The following MDN1 variants were observed in gnomAD, a reference collection of about 807,000 sequenced individuals.
MDN1 encodes the protein midasin AAA ATPase 1.
MDN1 carries 266 observed loss-of-function variants against 669.2 expected under a neutral mutation model. That is an observed-to-expected ratio of 0.40 (90% CI 0.36 to 0.44). The LOEUF (loss-of-function observed/expected upper bound fraction) is 0.44. MDN1 is among the 20% of genes least tolerant of loss of function. MDN1 has a pLI of 1.00. For synonymous variants in MDN1, 2,385 were observed against 2,457.1 expected, an observed-to-expected ratio of 0.97 and a Z score of 0.87; for missense variants, 5,940 against 6,754.0, an observed-to-expected ratio of 0.88 and a Z score of 4.22.
chr6:89,773,970 GAAA>G (rs1302813116), intron 13 of MDN1, among the ~76,000 whole-genome samples: 1 of 96,816 alleles, frequency 1.0e-5, no homozygotes, highest in Non-Finnish European at 2.2e-5. Context: ...GTCTTAAAAA[GAAA>G]AAAAAAAAAA....
chr6:89,767,649 G>A (rs1295711987), intron 15 of MDN1, among the ~76,000 whole-genome samples: 1 of 151,858 alleles, frequency 6.6e-6, no homozygotes, highest in Non-Finnish European at 1.5e-5. Flanking sequence ...CCAGCTACTC[G>A]GGAGGCTGAG....
At chr6:89,673,163 C>T in intron 80 of MDN1, 73 bp downstream of exon 80, 4 of 1,303,050 alleles carry the variant, frequency 3.1e-6, no homozygotes, top group Middle Eastern at 1.9e-4. Flanking sequence ...GTCTTTTGGA[C>T]AATGAGACTT....
At chr6:89,748,895 A>AC (rs1562176633) in intron 26 of MDN1, among the ~76,000 whole-genome samples, 1 of 102,992 alleles carries the variant, frequency 9.7e-6, no homozygotes, top group Non-Finnish European at 1.9e-5. Flanking sequence ...CCTTGTCTCT[A>AC]CAAAAAAAAA....
At position 89,743,131 on chromosome 6, in the gene MDN1, A is replaced by G. The variant is rs374536723; in HGVS notation, c.4448+19T>C. The G allele has an allele frequency of 7.5e-6, 12 of 1,608,220 alleles. No individual in the cohort carries two copies. The highest frequency in any genetic ancestry group is 1.0e-5 in the Non-Finnish European group (12 of 1,178,422). On this transcript the variant is annotated intron_variant, in intron 31 of 101. Transcript: ENST00000369393. ...CCAACAAAAATATCAAACACAAGGC[A>G]AACCTCTCAGGCACGTACCTGTTGA...
Position 89,761,727 on chromosome 6 carries a change from C to T in MDN1, c.2378G>A (p.Trp793Ter), listed in dbSNP as rs776463708. The change falls in exon 17 of 102, where the codon TGG becomes TAG. Residue 793 changes from tryptophan (W) to a stop codon, truncating the protein, a stop_gained. Coordinates refer to ENST00000369393, the MANE Select transcript of MDN1 (RefSeq NM_014611.3). LOFTEE classifies it high-confidence loss of function. ...GTTGAGTCTAAGACCAAATGCTTCC[C>T]ATTTCTCTTTTATGAGTAACCCTAA... ...SETGLLIKEKWEAFGLRLNHA... is the reference protein window; with the variant it reads ...SETGLLIKEK 1.9e-6 allele frequency: 3 copies of T among 1,609,346 alleles called. No individual in the cohort carries two copies. The highest frequency in any genetic ancestry group is 2.5e-6 in the Non-Finnish European group (3 of 1,177,312).
intron 15 of MDN1, among the ~76,000 whole-genome samples, chr6:89,768,484 T>C (rs1450372331): frequency 3.3e-5 from 5 of 152,192 alleles, no homozygotes; most frequent in Non-Finnish European, 7.3e-5. Context: ...CCTCTTTTCT[T>C]TGTAAATTAT....
intron 65 of MDN1, 111 bp downstream of exon 65, chr6:89,689,759 G>T: frequency 7.8e-7 from 1 of 1,284,032 alleles, no homozygotes; most frequent in Non-Finnish European, 1.1e-6. Flanking sequence ...CTCCAATAAG[G>T]AATTATGCGA....
intron 50 of MDN1, among the ~76,000 whole-genome samples, chr6:89,709,293 CA>C (rs1217315889): frequency 6.6e-6 from 1 of 152,120 alleles, no homozygotes; most frequent in African/African-American, 2.4e-5. Context: ...AAGCATCCAC[CA>C]TATAGTAGAC....
intron 2 of MDN1, among the ~76,000 whole-genome samples, chr6:89,800,225 C>T (rs751843370): frequency 1.1e-4 from 16 of 152,002 alleles, no homozygotes; most frequent in Non-Finnish European, 2.1e-4. Flanking sequence ...ATCGGGAGTT[C>T]GAGACCAGCC....
At chr6:89,712,871 C>A (rs193209675) in intron 47 of MDN1, 85 bp from the exon 48 acceptor site, 36 of 1,236,366 alleles carry the variant, frequency 2.9e-5, no homozygotes, top group Non-Finnish European at 4.0e-5. Flanking sequence ...ATAGTCCATG[C>A]GACCACCTCA....
rs1812907973 is a variant in MDN1, at chr6:89,698,314, T to C, written c.9168+551A>G. Reference sequence around the variant, plus strand: ...AAGTGGACAAAGATGTATACTAGGATAGTCAATGTGGCATGCTTATTATAG... The same window carrying C: ...AAGTGGACAAAGATGTATACTAGGACAGTCAATGTGGCATGCTTATTATAG... On this transcript the variant is annotated intron_variant, in intron 59 of 101. Coordinates refer to ENST00000369393, the MANE Select transcript of MDN1 (RefSeq NM_014611.3). Among the ~76,000 whole-genome samples the C allele has an allele frequency of 2.6e-5, 4 of 152,222 alleles. No homozygotes were observed. The South Asian group carries it at 8.3e-4, about 31-fold the overall frequency.
chr6:89,683,229 G>A lies in MDN1; in HGVS notation c.12005C>T (p.Pro4002Leu), dbSNP rs1220407896. ...ACTTGCAGCTCCATCTGTTGGCCTG[G>A]GCAAAAAGTCAGGCTGTTCTTCCTT... ...SDKEEQPDFL[P>L]RPTDGAASEL... is the part of the protein sequence containing the mutation. The change falls in exon 73 of 102, where the codon CCC becomes CTC. Residue 4002 changes from proline (P) to leucine (L), a missense_variant. Pro to Leu is a moderately conservative substitution (Grantham distance 98). Around this residue, in one of 5 missense-constraint regions of MDN1, gnomAD observed 2,280 missense variants for 2,576.3 expected, o/e 0.88. Transcript: ENST00000369393. 5.0e-6 allele frequency: 8 copies of A among 1,614,090 alleles called. No homozygotes were observed. The highest frequency in any genetic ancestry group is 5.9e-6 in the Non-Finnish European group (7 of 1,180,022).
At chr6:89,700,501 C>T (rs1813079675) in intron 56 of MDN1, 145 bp downstream of exon 56, 2 of 786,674 alleles carry the variant, frequency 2.5e-6, no homozygotes, top group South Asian at 1.8e-5. Context: ...AAATTTAGTC[C>T]TATGCCTGAC....
chr6:89,758,174 T>C, intron 19 of MDN1, 81 bp downstream of exon 19: 1 of 1,123,196 alleles, frequency 8.9e-7, no homozygotes, highest in Non-Finnish European at 1.3e-6. Flanking sequence ...TGAGCCAAGA[T>C]CACGCCACTG....
intron 95 of MDN1, among the ~76,000 whole-genome samples, chr6:89,651,904 G>A (rs761728): frequency 0.84 from 127,974 of 152,190 alleles, 54,005 homozygotes; most frequent in East Asian, 1. Flanking sequence ...ACTCTTGCCC[G>A]GTTTTTCAAC....
At chr6:89,675,902 T>C in intron 77 of MDN1, 200 bp downstream of exon 77, 1 of 563,566 alleles carries the variant, frequency 1.8e-6, no homozygotes, top group Non-Finnish European at 3.1e-6. Context: ...TGCTGGCAAG[T>C]GTAACTGAAT....
chr6:89,676,296 A>G, intron 76 of MDN1, 89 bp from the exon 77 acceptor site: 1 of 1,158,572 alleles, frequency 8.6e-7, no homozygotes, highest in Non-Finnish European at 1.3e-6. Context: ...ATATTTGGCC[A>G]TAACCAAGAG....
chr6:89,714,398 T>C, intron 46 of MDN1, 145 bp downstream of exon 46: 1 of 758,288 alleles, frequency 1.3e-6, no homozygotes, highest in South Asian at 2.2e-5. Context: ...TCTTGGGGTG[T>C]CTGGAAATCC....
chr6:89,815,957 TGGGTGTGCCAGGAG>T (rs1010806880), intron 1 of MDN1, among the ~76,000 whole-genome samples: 1 of 152,224 alleles, frequency 6.6e-6, no homozygotes, highest in Non-Finnish European at 1.5e-5. Context: ...CAGAGCACTG[TGGGTGTGCCAGGAG>T]GGGTAGCCCT....
Sources: allele counts gnomAD v4.1 joint callset (sites outside exome capture counted in the v4.1 genomes callset), GRCh38; gene constraint gnomAD v4.1.1; regional missense constraint gnomAD v4.1.1; transcripts MANE v1.5; gene names NCBI Gene and HGNC (gene_info 2026-07-23, HGNC 2026-07-21).